Variants in RP1 observed in about 807,000 individuals in gnomAD.
RP1 encodes the protein oxygen-regulated protein 1.
In RP1, 16 loss-of-function variants were observed where a neutral mutation model predicts 14.8. The ratio of observed to expected loss-of-function variants is 1.08; its 90% confidence interval spans 0.73 to 1.65. RP1 has a LOEUF of 1.65. Ranked by LOEUF, RP1 falls within the 40% of genes most tolerant of loss-of-function variation. RP1 has a pLI of 0.00. For synonymous variants in RP1, 876 were observed against 883.6 expected (o/e 0.99, Z 0.15); for missense variants, 2,631 against 2,535.0 (o/e 1.04, Z -0.81).
intron 26 of RP1, among the ~76,000 whole-genome samples, chr8:54,856,256 G>C (rs902336389): frequency 6.6e-6 from 1 of 152,102 alleles, no homozygotes; most frequent in Non-Finnish European, 1.5e-5. Flanking sequence ...CAAAATAAAA[G>C]TGCTAAAAGT....
intron 24 of RP1, among the ~76,000 whole-genome samples, chr8:54,830,409 T>C (rs10958430): frequency 0.35 from 52,934 of 151,842 alleles, 9,348 homozygotes; most frequent in Non-Finnish European, 0.38. Flanking sequence ...TTAGGTATAT[T>C]TCCTAATGCT....
Position 54,571,797 on chromosome 8 carries a change from C to CT in RP1, c.-13+12485dup, listed in dbSNP as rs572128708. On this transcript the variant is annotated intron_variant, in intron 1 of 22. Transcript: ENST00000636932. ...CCTCAGCTCCTGGTGGTTTGCTGGC[C>CT]TTTTTTTTAGCATTTCTTGGCTTGA... Among the ~76,000 whole-genome samples the CT allele has an allele frequency of 3.5e-3, 531 of 151,912 alleles. 1 individual carries two copies. In the Middle Eastern group the frequency reaches 0.037, roughly 11 times the overall value.
chr8:54,797,609 C>T (rs1362566165), intron 24 of RP1, among the ~76,000 whole-genome samples: 2 of 151,950 alleles, frequency 1.3e-5, no homozygotes, highest in East Asian at 1.9e-4. Context: ...AGGAACCATG[C>T]TTATTCACAT....
intron 15 of RP1, among the ~76,000 whole-genome samples, chr8:54,710,926 C>G (rs1259086983): frequency 6.6e-6 from 1 of 152,132 alleles, no homozygotes; most frequent in Admixed American, 6.5e-5. Flanking sequence ...AGCCGACACA[C>G]AAGGATGGAA....
chr8:54,763,632 A>G (rs1295044487), intron 22 of RP1, among the ~76,000 whole-genome samples: 1 of 152,208 alleles, frequency 6.6e-6, no homozygotes, highest in Non-Finnish European at 1.5e-5. Context: ...GTGAGCCGAT[A>G]GTGTGCCATT....
In RP1 at chr8:54,582,765, A is replaced by G. The variant is rs371433995; in HGVS notation, c.-13+23445A>G. Among the ~76,000 whole-genome samples the G allele has an allele frequency of 6.6e-5, 10 of 152,224 alleles. No homozygotes were observed. In the East Asian group the frequency reaches 9.6e-4, roughly 15 times the overall value. ...TAGGTATTTTATTCTCTTTGAAGCAATTGTGAATGGGAGTTCAGTCATGAC... is the reference window on the plus strand; with the variant it reads ...TAGGTATTTTATTCTCTTTGAAGCAGTTGTGAATGGGAGTTCAGTCATGAC... On this transcript the variant is annotated intron_variant, in intron 1 of 22. Coordinates refer to the RP1 transcript ENST00000636932.
intron 25 of RP1, among the ~76,000 whole-genome samples, chr8:54,842,366 C>G (rs745650040): frequency 2.0e-5 from 3 of 152,174 alleles, no homozygotes; most frequent in Non-Finnish European, 4.4e-5. Flanking sequence ...AATCCACCAT[C>G]GAAACCAGCA....
intron 24 of RP1, among the ~76,000 whole-genome samples, chr8:54,836,848 C>T (rs1341062553): frequency 4.9e-5 from 7 of 141,424 alleles, no homozygotes; most frequent in Admixed American, 6.9e-5. Context: ...TAATGCAGTA[C>T]ATAATTGATC....
chr8:54,809,360 A>T (rs10504171), intron 24 of RP1, among the ~76,000 whole-genome samples: 1 of 152,194 alleles, frequency 6.6e-6, no homozygotes, highest in Non-Finnish European at 1.5e-5. Flanking sequence ...ATATGCTTCC[A>T]AAAGAGGCCA....
intron 19 of RP1, among the ~76,000 whole-genome samples, chr8:54,743,961 G>C (rs533098779): frequency 6.6e-6 from 1 of 152,244 alleles, no homozygotes; most frequent in South Asian, 2.1e-4. Flanking sequence ...ATGAGTTTTG[G>C]AAACACTGAG....
intron 28 of RP1, among the ~76,000 whole-genome samples, chr8:54,866,359 C>G (rs1378187279): frequency 1.3e-5 from 2 of 152,096 alleles, no homozygotes; most frequent in African/African-American, 4.8e-5. Flanking sequence ...ACTGTGAACT[C>G]TAATGCATTG....
intron 1 of RP1, among the ~76,000 whole-genome samples, chr8:54,588,949 A>T (rs2129300046): frequency 6.6e-6 from 1 of 152,354 alleles, no homozygotes; most frequent in Non-Finnish European, 1.5e-5. Flanking sequence ...ACAATACACA[A>T]GCTCAAAGGT....
intron 27 of RP1, among the ~76,000 whole-genome samples, chr8:54,861,975 G>A (rs180844017): frequency 2.4e-4 from 37 of 152,202 alleles, no homozygotes; most frequent in East Asian, 1.7e-3. Flanking sequence ...GCAAATTTGC[G>A]CCCTAGGGAC....
intron 25 of RP1, among the ~76,000 whole-genome samples, chr8:54,846,588 G>T (rs1811925709): frequency 6.6e-6 from 1 of 152,132 alleles, no homozygotes; most frequent in Non-Finnish European, 1.5e-5. Context: ...CACCCTTGTT[G>T]CTACTGATGG....
intron 25 of RP1, among the ~76,000 whole-genome samples, chr8:54,844,438 G>A (rs749423370): frequency 7.9e-5 from 12 of 152,328 alleles, no homozygotes; most frequent in Non-Finnish European, 1.5e-4. Flanking sequence ...TCACTGGGGT[G>A]TAATGCTGTT....
chr8:54,622,166 C>T lies in RP1; in HGVS notation c.665C>T (p.Ala222Val). 6.2e-7 allele frequency: 1 copy of T among 1,614,132 alleles called. No individual in the cohort carries two copies. The highest frequency in any genetic ancestry group is 8.5e-7 in the Non-Finnish European group (1 of 1,180,020). ...VILSSGAVVAAGREPFKPGNY... is the reference protein window; with the variant it reads ...VILSSGAVVAVGREPFKPGNY... ...CTGAGCTCTGGAGCTGTGGTGGCGG[C>T]AGGAAGGGAGCCATTTAAACCAGGA... is the stretch of plus-strand genomic sequence containing the variant. The change falls in exon 3 of 4, where the codon GCA becomes GTA. Residue 222 changes from alanine (A) to valine (V), a missense_variant. Physicochemically the swap from Ala to Val is moderately conservative, Grantham distance 64. Coordinates refer to ENST00000220676, the MANE Select transcript of RP1 (RefSeq NM_006269.2).
intron 15 of RP1, among the ~76,000 whole-genome samples, chr8:54,717,018 C>T (rs1808419713): frequency 6.6e-6 from 1 of 152,142 alleles, no homozygotes; most frequent in Non-Finnish European, 1.5e-5. Flanking sequence ...CAGGCCCCTC[C>T]TTTCAGAATC....
intron 19 of RP1, among the ~76,000 whole-genome samples, chr8:54,742,703 T>C (rs1809126946): frequency 6.6e-6 from 1 of 152,178 alleles, no homozygotes; most frequent in Non-Finnish European, 1.5e-5. Flanking sequence ...CAAAGTGTAG[T>C]AAAATCAGAA....
intron 7 of RP1, among the ~76,000 whole-genome samples, chr8:54,667,816 T>G (rs1413487138): frequency 6.6e-6 from 1 of 152,054 alleles, no homozygotes; most frequent in African/African-American, 2.4e-5. Context: ...GAGTTGTTAA[T>G]AACAGGCTCT....
Sources: gnomAD v4.1 joint callset for allele counts (sites outside exome capture counted in the v4.1 genomes callset) on GRCh38, gnomAD v4.1.1 for gene constraint, MANE v1.5 for transcripts, NCBI Gene and HGNC (gene_info 2026-07-23, HGNC 2026-07-21) for gene names.